The following PYROXD2 variants were observed in gnomAD, a reference collection of about 807,000 sequenced individuals.
PYROXD2 encodes the protein pyridine nucleotide-disulphide oxidoreductase domain 2, also known as pyridine nucleotide-disulfide oxidoreductase domain-containing protein 2.
PYROXD2 carries 69 observed loss-of-function variants against 71.1 expected under a neutral mutation model. The ratio of observed to expected loss-of-function variants is 0.97; its 90% CI spans 0.80 to 1.19. The LOEUF is 1.19. Ranked by LOEUF, PYROXD2 falls within the 50% of genes most tolerant of loss-of-function variation. PYROXD2 has a pLI of 0.00. For missense variants in PYROXD2, 745 were observed against 748.9 expected (o/e 0.99, Z 0.06); for synonymous variants, 287 against 302.7 (o/e 0.95, Z 0.54).
rs1842829452 is a variant in PYROXD2 at position 98,388,388 on chromosome 10, C to G, written c.1413G>C (p.Trp471Cys). 1 of 1,613,664 alleles carries G rather than the reference C, an allele frequency of 6.2e-7. No individual in the cohort carries two copies. Among genetic ancestry groups the G allele is most frequent in the African/African-American group, 1.3e-5 (1 of 74,800 alleles). ...MPYTLAGGKA[W>C]DEQERDAYAD... ...CATAAGCGTCTCTCTCCTGCTCGTC[C>G]CAGGCCTTGCCTCCAGCCAGCGTAT... is the stretch of plus-strand genomic sequence containing the variant. The change falls in exon 13 of 16, where the codon TGG becomes TGC. Residue 471 changes from tryptophan (W) to cysteine (C), a missense_variant. Physicochemically the swap from Trp to Cys is radical, Grantham distance 215 (BLOSUM62 -2). Coordinates refer to ENST00000370575, the MANE Select transcript of PYROXD2 (RefSeq NM_032709.3).
At chr10:98,390,541 C>T in intron 12 of PYROXD2, 57 bp downstream of exon 12, 1 of 1,504,132 alleles carries the variant, frequency 6.6e-7, no homozygotes, top group East Asian at 2.3e-5. Flanking sequence ...ATGGACAGCC[C>T]CGCCTCCCAG....
chr10:98,410,614 T>A, intron 2 of PYROXD2: 3 of 368,032 alleles, frequency 8.2e-6, no homozygotes, highest in Non-Finnish European at 1.5e-5. Context: ...GGTTCCCACC[T>A]GCTCTCATGC....
chr10:98,388,313 C>A lies in PYROXD2; in HGVS notation c.1447+41G>T, dbSNP rs759558672. ...GAGCAGGCCCAGTTGGGTCGCATGCCCGGCTGTGGCTCTGGAGGCAGAACG... is the reference window on the plus strand; with the variant it reads ...GAGCAGGCCCAGTTGGGTCGCATGCACGGCTGTGGCTCTGGAGGCAGAACG... On this transcript the variant is annotated intron_variant, in intron 13 of 15. Coordinates refer to ENST00000370575, the MANE Select transcript of PYROXD2 (RefSeq NM_032709.3). The A allele has an allele frequency of 1.7e-5, 27 of 1,610,704 alleles. 2 individuals are homozygous for A. The South Asian group carries it at 2.8e-4, about 16-fold the overall frequency.
intron 4 of PYROXD2, among the ~76,000 whole-genome samples, chr10:98,406,201 A>C (rs139996779): frequency 4.7e-4 from 71 of 152,308 alleles, no homozygotes; most frequent in African/African-American, 1.7e-3. Flanking sequence ...TACTCAGTTC[A>C]CTTGGGAGCT....
intron 6 of PYROXD2, 131 bp downstream of exon 6, chr10:98,397,214 A>G: frequency 1.6e-6 from 2 of 1,251,154 alleles, no homozygotes; most frequent in Non-Finnish European, 1.1e-6. Context: ...CCCCTAATTG[A>G]TCGCAGCATG....
In PYROXD2 at chr10:98,386,582, C is replaced by T. The variant is rs1005579168; in HGVS notation, c.1554+619G>A. On this transcript the variant is annotated intron_variant, in intron 14 of 15. Coordinates refer to ENST00000370575, the MANE Select transcript of PYROXD2 (RefSeq NM_032709.3). ...AATTTTCTTTCTAGAGATAGGGTCT[C>T]ATTCTGTTGCCCAGGCTGAAGTGTA... 2.7e-5 allele frequency among the ~76,000 whole-genome samples: 4 copies of T among 148,674 alleles called. No individual in the cohort carries two copies. In the Admixed American group the frequency reaches 2.7e-4, roughly 10 times the overall value.
chr10:98,403,005 C>G (rs1843469109), intron 4 of PYROXD2, among the ~76,000 whole-genome samples: 1 of 152,180 alleles, frequency 6.6e-6, no homozygotes, highest in Admixed American at 6.5e-5. Flanking sequence ...TAGAAAAGCA[C>G]GAGGAAACCA....
chr10:98,386,094 C>A lies in PYROXD2; in HGVS notation c.1555-1027G>T, dbSNP rs1467924428. Among the ~76,000 whole-genome samples, 7 of 147,950 alleles carry A rather than the reference C, an allele frequency of 4.7e-5. No individual in the cohort carries two copies. The South Asian group carries it at 8.8e-4, about 19-fold the overall frequency. ...GAGTTTGAGACCAGCCTAGACAACA[C>A]AGGGAGACTCATCTCTACAAAAAAA... On this transcript the variant is annotated intron_variant, in intron 14 of 15. Transcript: ENST00000370575.
intron 10 of PYROXD2, 102 bp downstream of exon 10, chr10:98,392,330 G>T: frequency 6.6e-7 from 1 of 1,516,686 alleles, no homozygotes; most frequent in Non-Finnish European, 8.8e-7. Context: ...CTTGGCTTTT[G>T]CATCTCACAC....
intron 14 of PYROXD2, among the ~76,000 whole-genome samples, chr10:98,386,112 C>CAA (rs35276474): frequency 5.2e-5 from 7 of 134,040 alleles, no homozygotes; most frequent in African/African-American, 1.6e-4. Flanking sequence ...CTCATCTCTA[C>CAA]AAAAAAAAAA....
At chr10:98,391,278 G>A (rs1051392317) in intron 10 of PYROXD2, among the ~76,000 whole-genome samples, 196 bp from the exon 11 acceptor site, 6 of 151,936 alleles carry the variant, frequency 3.9e-5, no homozygotes, top group African/African-American at 7.3e-5. Context: ...TTCCTCCTCC[G>A]CGCTTGGCCA....
chr10:98,406,066 A>C (rs966126760), intron 4 of PYROXD2, among the ~76,000 whole-genome samples: 1 of 152,170 alleles, frequency 6.6e-6, no homozygotes, highest in African/African-American at 2.4e-5. Flanking sequence ...CAGGCTGTCA[A>C]TGTCCTGTTA....
intron 8 of PYROXD2, among the ~76,000 whole-genome samples, chr10:98,393,419 C>T (rs1590944308): frequency 6.6e-6 from 1 of 152,190 alleles, no homozygotes; most frequent in South Asian, 2.1e-4. Context: ...ATCTTAAACC[C>T]ACCACCTTTT....
rs1843223583 is a variant in PYROXD2 at position 98,397,342 on chromosome 10, T to C, written c.625+3A>G. 1.9e-6 allele frequency: 3 copies of C among 1,592,272 alleles called. No homozygotes were observed. The highest frequency in any genetic ancestry group is 2.6e-6 in the Non-Finnish European group (3 of 1,166,270). On this transcript the variant is annotated splice_donor_region_variant and intron_variant, in intron 6 of 15. Coordinates refer to ENST00000370575, the MANE Select transcript of PYROXD2 (RefSeq NM_032709.3). ...ATGCCCTGGTGCCTGCACTTGGACT[T>C]ACCTGCCTTCAGCAGGGGCTTGAGG...
intron 5 of PYROXD2, among the ~76,000 whole-genome samples, chr10:98,399,381 T>C (rs1843310906): frequency 6.6e-6 from 1 of 152,210 alleles, no homozygotes; most frequent in Non-Finnish European, 1.5e-5. Flanking sequence ...TCTCAGCTAA[T>C]ATCCAGGCTT....
intron 1 of PYROXD2, chr10:98,414,062 CATATAT>C (rs200311255): frequency 6.6e-6 from 1 of 151,794 alleles, no homozygotes; most frequent in Non-Finnish European, 1.5e-5. Context: ...AACACATATA[CATATAT>C]ATACACATAT....
intron 15 of PYROXD2, 126 bp downstream of exon 15, chr10:98,384,821 G>A: frequency 1.5e-6 from 2 of 1,346,928 alleles, no homozygotes; most frequent in Non-Finnish European, 2.0e-6. Flanking sequence ...GGCAGCTTAT[G>A]TTGGGAGTTC....
chr10:98,384,794 G>A (rs999196248), intron 15 of PYROXD2, among the ~76,000 whole-genome samples, 153 bp downstream of exon 15: 1 of 152,196 alleles, frequency 6.6e-6, no homozygotes, highest in African/African-American at 2.4e-5. Context: ...CCTGTGCATG[G>A]ATAATTCTGA....
At chr10:98,408,052 G>T in intron 2 of PYROXD2, 55 bp from the exon 3 acceptor site, 1 of 1,516,254 alleles carries the variant, frequency 6.6e-7, no homozygotes, top group Non-Finnish European at 8.9e-7. Flanking sequence ...AAATGTCAGG[G>T]CTCCCTCGGG....
Sources: gnomAD v4.1 joint callset for allele counts (sites outside exome capture counted in the v4.1 genomes callset) on GRCh38, gnomAD v4.1.1 for gene constraint, MANE v1.5 for transcripts, NCBI Gene and HGNC (gene_info 2026-07-23, HGNC 2026-07-21) for gene names.